POLK: variants seen among roughly 807,000 people sequenced by gnomAD.
POLK encodes polymerase (DNA directed) kappa.
A neutral mutation model predicts 94.0 loss-of-function variants in POLK; 76 were observed. That is an observed-to-expected ratio of 0.81 (90% confidence interval 0.67 to 0.98). POLK has a LOEUF of 0.98. Ranked by LOEUF, POLK falls within the 50% of genes least tolerant of loss-of-function variation. The probability of loss-of-function intolerance (pLI) is 0.00; values close to 1 mark genes in which losing one functional copy is unlikely to be tolerated. For missense variants in POLK, 954 were observed against 1,010.1 expected (o/e 0.94, Z 0.75); for synonymous variants, 349 against 325.4 (o/e 1.07, Z -0.78).
intron 3 of POLK, among the ~76,000 whole-genome samples, chr5:75,555,303 T>G (rs2112676726): frequency 6.6e-6 from 1 of 152,110 alleles, no homozygotes; most frequent in Non-Finnish European, 1.5e-5. Flanking sequence ...CTCCATCTAT[T>G]CATCCCTCCC....
At chr5:75,593,832 G>C (rs113478753) in intron 11 of POLK, 46 bp from the exon 12 acceptor site, 18 of 1,197,400 alleles carry the variant, frequency 1.5e-5, no homozygotes, top group African/African-American at 1.2e-4. Flanking sequence ...AACAGAGAGA[G>C]ACCCTGTCTC....
At chr5:75,575,637 C>G (rs1771834035) in intron 5 of POLK, among the ~76,000 whole-genome samples, 1 of 152,170 alleles carries the variant, frequency 6.6e-6, no homozygotes, top group Non-Finnish European at 1.5e-5. Flanking sequence ...TCTTAGTTGG[C>G]TGCCAGTTAC....
chr5:75,523,963 C>G (rs995370257), intron 1 of POLK, among the ~76,000 whole-genome samples: 7 of 151,952 alleles, frequency 4.6e-5, no homozygotes, highest in African/African-American at 1.5e-4. Context: ...AACCTCGTCT[C>G]TACTAAAAAT....
At chr5:75,511,310 G>A, upstream of POLK, 4 of 1,552,666 alleles carry the variant, frequency 2.6e-6, no homozygotes, top group South Asian at 1.2e-5. Context: ...GCGAAGCGAA[G>A]AGTGCCCGCT....
intron 5 of POLK, 22 bp from the exon 6 acceptor site, chr5:75,576,758 C>G: frequency 7.1e-7 from 1 of 1,410,746 alleles, no homozygotes; most frequent in Non-Finnish European, 9.4e-7. Flanking sequence ...AAAATTTAAA[C>G]TTTTTTTTGT....
chr5:75,559,675 A>C (rs1770870799), intron 3 of POLK, among the ~76,000 whole-genome samples: 1 of 150,162 alleles, frequency 6.7e-6, no homozygotes, highest in Non-Finnish European at 1.5e-5. Context: ...TAGTGGGGGG[A>C]CTATAGGTGT....
At chr5:75,525,895 G>A (rs1357628019) in intron 1 of POLK, among the ~76,000 whole-genome samples, 2 of 152,166 alleles carry the variant, frequency 1.3e-5, no homozygotes, top group African/African-American at 4.8e-5. Flanking sequence ...ATCTAGATTT[G>A]AGTTTCAGCC....
At chr5:75,511,240 C>A (rs755104888), upstream of POLK, 1 of 1,609,360 alleles carries the variant, frequency 6.2e-7, no homozygotes, top group Admixed American at 1.7e-5. Context: ...AGACCGGCCC[C>A]CGCTCCCTCA....
rs554815894 is a variant in POLK at position 75,593,740 on chromosome 5, G to A, written c.1357-138G>A. 21 of 485,410 alleles carry A rather than the reference G, an allele frequency of 4.3e-5. 1 individual carries two copies. In the Admixed American group the frequency reaches 7.4e-4, roughly 17 times the overall value. The allele number at this position is 485,410 out of a possible 1,614,324, so 30.1% of individuals were successfully genotyped here. A position where few individuals can be genotyped will look rare whatever the true frequency, so the allele number is the denominator to read the frequency against. ...CACTTGTAATCTTAGCTACTCAGGA[G>A]GCTGAGGCAAGAGGATTGCTTGAAC... On this transcript the variant is annotated intron_variant, in intron 11 of 14. Coordinates refer to ENST00000241436, the Ensembl canonical transcript of POLK.
chr5:75,583,161 G>C (rs1436959553), intron 7 of POLK, 132 bp from the exon 8 acceptor site: 1 of 567,782 alleles, frequency 1.8e-6, no homozygotes, highest in Non-Finnish European at 3.0e-6. Flanking sequence ...GTAATCAAAT[G>C]TTATTTTTAA....
chr5:75,593,841 T>G lies in POLK; in HGVS notation c.1357-37T>G, dbSNP rs201976501. 7.4e-5 allele frequency: 95 copies of G among 1,280,014 alleles called. No individual in the cohort carries two copies. In the Admixed American group the frequency reaches 1.5e-3, roughly 20 times the overall value. 79.3% of individuals were successfully genotyped at this position (1,280,014 alleles called of 1,614,324 possible). ...ATGGACAACAGAGAGAGACCCTGTCTCATAAATAAATAAATAACATATTGT... is the reference window on the plus strand; with the variant it reads ...ATGGACAACAGAGAGAGACCCTGTCGCATAAATAAATAAATAACATATTGT... On this transcript the variant is annotated intron_variant, in intron 11 of 14. Coordinates refer to ENST00000241436, the Ensembl canonical transcript of POLK.
At chr5:75,562,730 A>C (rs1328736331) in intron 3 of POLK, among the ~76,000 whole-genome samples, 1 of 152,198 alleles carries the variant, frequency 6.6e-6, no homozygotes, top group Non-Finnish European at 1.5e-5. Flanking sequence ...GGGGTGTTGA[A>C]TTTTATCCAA....
intron 7 of POLK, 96 bp downstream of exon 7, chr5:75,581,544 T>G: frequency 9.5e-7 from 1 of 1,057,918 alleles, no homozygotes; most frequent in Non-Finnish European, 1.4e-6. Context: ...AAGTATATAG[T>G]AACATTTTAC....
At chr5:75,519,302 T>C (rs1768461647) in intron 1 of POLK, among the ~76,000 whole-genome samples, 1 of 152,254 alleles carries the variant, frequency 6.6e-6, no homozygotes, top group Non-Finnish European at 1.5e-5. Flanking sequence ...TTTTGTGGCC[T>C]AAGATGTGGT....
intron 6 of POLK, among the ~76,000 whole-genome samples, chr5:75,577,821 C>T (rs761163833): frequency 1.3e-5 from 2 of 152,306 alleles, no homozygotes; most frequent in Middle Eastern, 3.4e-3. Context: ...GCATCAAATA[C>T]AACTTCATTA....
intron 1 of POLK, among the ~76,000 whole-genome samples, chr5:75,540,066 G>C (rs28680436): frequency 0.011 from 1,688 of 152,238 alleles, 18 homozygotes; most frequent in East Asian, 0.022. Flanking sequence ...ATCAAGGTTA[G>C]AACTCAGAAG....
intron 6 of POLK, among the ~76,000 whole-genome samples, chr5:75,578,910 A>G (rs1342756944): frequency 6.6e-6 from 1 of 152,208 alleles, no homozygotes; most frequent in Non-Finnish European, 1.5e-5. Flanking sequence ...ACTTTTTAGC[A>G]CTTGTCTTCC....
At chr5:75,545,157 A>G (rs1361849434) in intron 1 of POLK, among the ~76,000 whole-genome samples, 3 of 152,198 alleles carry the variant, frequency 2.0e-5, no homozygotes, top group Non-Finnish European at 4.4e-5. Flanking sequence ...AACTACCACT[A>G]ATAGTCACAG....
chr5:75,559,092 A>G (rs1169431564), intron 3 of POLK, among the ~76,000 whole-genome samples: 2 of 152,228 alleles, frequency 1.3e-5, no homozygotes, highest in Non-Finnish European at 2.9e-5. Context: ...AGCTTCCTCC[A>G]AAAGAATTTG....
Sources: allele counts gnomAD v4.1 joint callset (sites outside exome capture counted in the v4.1 genomes callset), GRCh38; gene constraint gnomAD v4.1.1; transcripts MANE v1.5; gene names NCBI Gene and HGNC (gene_info 2026-07-23, HGNC 2026-07-21).